PIBF1: variants seen among roughly 807,000 people sequenced by gnomAD.
PIBF1 encodes progesterone immunomodulatory binding factor 1, also known as progesterone-induced-blocking factor 1.
PIBF1 carries 90 observed loss-of-function variants against 112.5 expected under a neutral mutation model. That is an observed-to-expected ratio of 0.80 (90% CI 0.67 to 0.95). The LOEUF is 0.95. PIBF1 is among the 40% of genes least tolerant of loss of function. PIBF1 has a pLI of 0.00. For synonymous variants in PIBF1, 301 were observed against 288.6 expected, an observed-to-expected ratio of 1.04 and a Z score of -0.44; for missense variants, 915 against 852.3, an observed-to-expected ratio of 1.07 and a Z score of -0.92.
intron 10 of PIBF1, among the ~76,000 whole-genome samples, chr13:72,887,521 C>T (rs2039904291): frequency 6.6e-6 from 1 of 151,932 alleles, no homozygotes; most frequent in Admixed American, 6.6e-5. Context: ...ATACTAGCCA[C>T]TGATGTAGTA....
Position 72,804,826 on chromosome 13 carries a change from A to T in PIBF1, c.672+6800A>T, listed in dbSNP as rs562480352. 7.9e-5 allele frequency among the ~76,000 whole-genome samples: 12 copies of T among 152,340 alleles called. 1 individual carries two copies. The South Asian group carries it at 2.5e-3, about 32-fold the overall frequency. On this transcript the variant is annotated intron_variant, in intron 5 of 17. Transcript: ENST00000326291. ...ACAAATTGAAAATATATCCAGTAAA[A>T]GTGTGTACACTGATTCTGTTTTCCT...
At chr13:72,931,322 T>C in intron 14 of PIBF1, 55 bp downstream of exon 14, 2 of 1,079,456 alleles carry the variant, frequency 1.9e-6, no homozygotes, top group South Asian at 2.7e-5. Flanking sequence ...TTTAATTGTT[T>C]GTAACTCTTT....
rs539208028 is a variant in PIBF1, at chr13:72,798,416, G to A, written c.672+390G>A. ...GAAATTTAAGCAAGAAACAAGAAAT[G>A]TAGGCCAAGCTATGCAGGGGATCTC... is the stretch of plus-strand genomic sequence containing the variant. On this transcript the variant is annotated intron_variant, in intron 5 of 17. Coordinates refer to ENST00000326291, the MANE Select transcript of PIBF1 (RefSeq NM_006346.4). Among the ~76,000 whole-genome samples, 6 of 152,306 alleles carry A rather than the reference G, an allele frequency of 3.9e-5. No homozygotes were observed. The South Asian group carries it at 1.0e-3, about 26-fold the overall frequency.
At chr13:72,817,497 C>T (rs2036331057) in intron 5 of PIBF1, among the ~76,000 whole-genome samples, 2 of 152,142 alleles carry the variant, frequency 1.3e-5, no homozygotes, top group Non-Finnish European at 2.9e-5. Context: ...TGTTCCTCCT[C>T]TTCCACAGAC....
At chr13:72,900,334 A>C (rs1237228588) in intron 11 of PIBF1, among the ~76,000 whole-genome samples, 2 of 152,178 alleles carry the variant, frequency 1.3e-5, no homozygotes, top group Non-Finnish European at 2.9e-5. Context: ...GAGGTATCAC[A>C]CTACCTGATG....
At chr13:72,918,179 C>T (rs569698456) in intron 13 of PIBF1, among the ~76,000 whole-genome samples, 6 of 152,250 alleles carry the variant, frequency 3.9e-5, no homozygotes, top group African/African-American at 9.6e-5. Context: ...TTCAGACTTC[C>T]ACGCGCCTCT....
At chr13:72,882,195 G>A (rs2039669881) in intron 10 of PIBF1, among the ~76,000 whole-genome samples, 1 of 152,110 alleles carries the variant, frequency 6.6e-6, no homozygotes, top group East Asian at 1.9e-4. Context: ...TTGGGGAAAG[G>A]ACAGTCTCTT....
At chr13:72,840,735 A>G (rs1022789310) in intron 9 of PIBF1, among the ~76,000 whole-genome samples, 3 of 152,228 alleles carry the variant, frequency 2.0e-5, no homozygotes, top group East Asian at 1.9e-4. Context: ...TCTGTTGGCC[A>G]GGCTGTTCTC....
rs1392713859 is a variant in PIBF1 at position 72,787,311 on chromosome 13, T to A, written c.252+3590T>A. Among the ~76,000 whole-genome samples, 4 of 152,370 alleles carry A rather than the reference T, an allele frequency of 2.6e-5. No homozygotes were observed. The South Asian group carries it at 8.3e-4, about 32-fold the overall frequency. The stretch of plus-strand genomic sequence containing the variant: ...ATGTCTTTATTTTTGTCTTTATGTG[T>A]GAAGCACTCCAGATGAACAAAGTGC... On this transcript the variant is annotated intron_variant, in intron 2 of 17. Coordinates refer to ENST00000326291, the MANE Select transcript of PIBF1 (RefSeq NM_006346.4).
chr13:72,948,306 G>A (rs2042203591), intron 14 of PIBF1, among the ~76,000 whole-genome samples: 1 of 152,070 alleles, frequency 6.6e-6, no homozygotes, highest in Admixed American at 6.5e-5. Context: ...GATCTCTAAG[G>A]CAGCAGCAAA....
chr13:72,788,565 G>A (rs1001010156), intron 2 of PIBF1, among the ~76,000 whole-genome samples: 2 of 152,178 alleles, frequency 1.3e-5, no homozygotes, highest in African/African-American at 2.4e-5. Context: ...CCAGTATTGT[G>A]TACATGTAAA....
chr13:73,005,456 A>AG (rs998443777), intron 17 of PIBF1, among the ~76,000 whole-genome samples: 3 of 151,890 alleles, frequency 2.0e-5, no homozygotes, highest in African/African-American at 7.2e-5. Context: ...CCTGGATGGC[A>AG]GAACAAGACC....
intron 16 of PIBF1, among the ~76,000 whole-genome samples, chr13:72,995,279 C>T (rs1014409101): frequency 5.5e-5 from 8 of 145,886 alleles, no homozygotes; most frequent in African/African-American, 1.3e-4. Flanking sequence ...CCAACCTGGG[C>T]GACAGAATGA....
At chr13:73,001,582 CTTTT>C (rs10645002) in intron 17 of PIBF1, among the ~76,000 whole-genome samples, 5 of 29,172 alleles carry the variant, frequency 1.7e-4, no homozygotes, top group African/African-American at 2.5e-4. Flanking sequence ...AAGAGCTTGA[CTTTT>C]TTTTTTTTTT....
At chr13:72,801,492 A>G (rs771954713) in intron 5 of PIBF1, among the ~76,000 whole-genome samples, 21 of 152,254 alleles carry the variant, frequency 1.4e-4, no homozygotes, top group Admixed American at 2.6e-4. Context: ...CAAAGCATGC[A>G]TACACAGACC....
chr13:72,874,652 C>G (rs1490920983), intron 10 of PIBF1, among the ~76,000 whole-genome samples: 1 of 152,176 alleles, frequency 6.6e-6, no homozygotes, highest in Admixed American at 6.5e-5. Context: ...ATCATAGTCA[C>G]AGTTGCATGG....
At chr13:72,784,878 TTG>T (rs2034512215) in intron 2 of PIBF1, among the ~76,000 whole-genome samples, 1 of 152,122 alleles carries the variant, frequency 6.6e-6, no homozygotes, top group Non-Finnish European at 1.5e-5. Flanking sequence ...TTGTTGTTTT[TTG>T]TTGTTGTTGT....
chr13:72,836,173 C>T (rs1314993170), intron 9 of PIBF1: 1 of 427,326 alleles, frequency 2.3e-6, no homozygotes, highest in Non-Finnish European at 4.6e-6. Context: ...TTAGGCTCAC[C>T]TAGTTAGTGA....
chr13:72,795,656 C>G (rs896089413), intron 4 of PIBF1, 99 bp downstream of exon 4: 2 of 734,620 alleles, frequency 2.7e-6, no homozygotes, highest in African/African-American at 3.6e-5. Context: ...CCAATTGATA[C>G]ATTATTTTAT....
Sources: gnomAD v4.1 joint callset for allele counts (sites outside exome capture counted in the v4.1 genomes callset) on GRCh38, gnomAD v4.1.1 for gene constraint, MANE v1.5 for transcripts, NCBI Gene and HGNC (gene_info 2026-07-23, HGNC 2026-07-21) for gene names.